The following HEATR5B variants were observed in gnomAD, a reference collection of about 807,000 sequenced individuals.
The protein encoded by HEATR5B is HEAT repeat containing 5B.
Under a neutral mutation model 224.1 loss-of-function variants are expected in HEATR5B, and 156 were observed. That is an observed-to-expected ratio of 0.70 (90% CI 0.61 to 0.80). The LOEUF (loss-of-function observed/expected upper bound fraction) is 0.80. Among genes scored for constraint, HEATR5B ranks in the 30% least tolerant of loss-of-function variants. The probability of loss-of-function intolerance (pLI) is 0.00; values close to 1 mark genes in which losing one functional copy is unlikely to be tolerated. For synonymous variants in HEATR5B, 1,027 were observed against 893.0 expected (o/e 1.15, Z -2.68); for missense variants, 2,323 against 2,535.5 (o/e 0.92, Z 1.80).
At chr2:37,019,459 TC>T in intron 26 of HEATR5B, among the ~76,000 whole-genome samples, 1 of 150,550 alleles carries the variant, frequency 6.6e-6, no homozygotes, top group Non-Finnish European at 1.5e-5. Flanking sequence ...TTCCTCTCTC[TC>T]TTTTTTTTTT....
chr2:36,991,192 T>C (rs1343669524), intron 33 of HEATR5B, among the ~76,000 whole-genome samples: 2 of 152,298 alleles, frequency 1.3e-5, no homozygotes, highest in Middle Eastern at 3.4e-3. Context: ...ATATCTCCTT[T>C]CAATTTAGTA....
At chr2:37,083,101 G>A (rs986715079) in intron 2 of HEATR5B, among the ~76,000 whole-genome samples, 188 bp downstream of exon 2, 1 of 152,172 alleles carries the variant, frequency 6.6e-6, no homozygotes, top group Non-Finnish European at 1.5e-5. Flanking sequence ...CAAACATAAA[G>A]AAGATAGGCA....
Position 37,000,756 on chromosome 2 carries a change from G to C in HEATR5B, c.5375C>G (p.Thr1792Arg). Residue 1792 changes from threonine (T) to arginine (R), a missense_variant, in exon 33 of 36, where the codon ACA becomes AGA. Physicochemically the swap from Thr to Arg is moderately conservative, Grantham distance 71. Transcript: ENST00000233099. ...CTGATTATCTGCAGACTTTATTGCT[G>C]TGTCTTTCAATATTCTTGCAATTAA... ...LFLIARILKD[T>R]AIKSADNQVP... 1 of 1,614,140 alleles carries C rather than the reference G, an allele frequency of 6.2e-7. No individual in the cohort carries two copies. Among genetic ancestry groups the C allele is most frequent in the South Asian group, 1.1e-5 (1 of 91,078 alleles).
At chr2:37,065,133 T>A (rs575105657) in intron 9 of HEATR5B, 143 bp from the exon 10 acceptor site, 1 of 671,310 alleles carries the variant, frequency 1.5e-6, no homozygotes, top group East Asian at 2.7e-5. Context: ...TAAAACTACA[T>A]ACAGTAGAGT....
intron 24 of HEATR5B, among the ~76,000 whole-genome samples, chr2:37,021,581 T>C (rs1668461011): frequency 6.6e-6 from 1 of 152,090 alleles, no homozygotes; most frequent in Non-Finnish European, 1.5e-5. Context: ...CCTTTTCACA[T>C]GTAAAATGTA....
In HEATR5B at chr2:37,007,230, G is replaced by A. The variant is rs760509355; in HGVS notation, c.4597C>T (p.His1533Tyr). The A allele has an allele frequency of 6.2e-7, 1 of 1,613,872 alleles. No individual in the cohort carries two copies. Among genetic ancestry groups the A allele is most frequent in the Non-Finnish European group, 8.5e-7 (1 of 1,180,012 alleles). Residue 1533 changes from histidine to tyrosine, a missense_variant, in exon 29 of 36, where the codon CAT becomes TAT. Around this residue, in one of 12 missense-constraint regions of HEATR5B, gnomAD observed 844 missense variants for 812.9 expected, o/e 1.04. Transcript: ENST00000233099. The stretch of plus-strand genomic sequence containing the variant: ...CTATTTAACCAAAGTGCCACCGCAT[G>A]GAGAATTGGGGCCCAGGAATTCCGA... ...HYRNSWAPIL[H>Y]AVALWLNSTG...
chr2:37,075,500 T>G lies in HEATR5B; in HGVS notation c.582A>C (p.Arg194=). The change falls in exon 5 of 36, where the codon CGA becomes CGC. Residue 194 remains arginine, a synonymous_variant. Coordinates refer to ENST00000233099, the MANE Select transcript of HEATR5B (RefSeq NM_019024.3). The part of the protein sequence containing the change: ...SLLTDRSMAV[R]CAVAKCLLEL... Reference sequence around the variant, plus strand: ...GAGTACTAACCTTGGCCACTGCACATCGAACAGCCATTGACCTATCAGTCA... The same window carrying G: ...GAGTACTAACCTTGGCCACTGCACAGCGAACAGCCATTGACCTATCAGTCA... 1 of 1,613,100 alleles carries G rather than the reference T, an allele frequency of 6.2e-7. No individual in the cohort carries two copies. The highest frequency in any genetic ancestry group is 8.5e-7 in the Non-Finnish European group (1 of 1,179,482).
chr2:37,014,336 G>T (rs1016201758), intron 26 of HEATR5B, among the ~76,000 whole-genome samples: 17 of 151,550 alleles, frequency 1.1e-4, no homozygotes, highest in African/African-American at 3.9e-4. Flanking sequence ...TAATTTTTTT[G>T]TATTTTTAGT....
intron 16 of HEATR5B, among the ~76,000 whole-genome samples, 165 bp downstream of exon 16, chr2:37,056,275 T>A (rs17038863): frequency 0.011 from 1,661 of 152,290 alleles, 25 homozygotes; most frequent in African/African-American, 0.038. Flanking sequence ...TGCATGCAAT[T>A]TTTTTATCAT....
chr2:37,057,389 G>T lies in HEATR5B; in HGVS notation c.2151C>A (p.Leu717=). 6.2e-7 allele frequency: 1 copy of T among 1,612,704 alleles called. No individual in the cohort carries two copies. Among genetic ancestry groups the T allele is most frequent in the East Asian group, 2.2e-5 (1 of 44,776 alleles). The change falls in exon 15 of 36, where the codon CTC becomes CTA. Residue 717 remains leucine (L), a synonymous_variant. Transcript: ENST00000233099. ...ANTTTSLLRS[L]CHYDDSVLLG... is the part of the protein sequence containing the mutation. ...GAAGAACACTATCATCATAATGGCA[G>T]AGGGATCTGAGGAGGGAAGTAGTTG...
At chr2:36,998,014 G>A (rs955025985) in intron 33 of HEATR5B, among the ~76,000 whole-genome samples, 1 of 152,158 alleles carries the variant, frequency 6.6e-6, no homozygotes, top group African/African-American at 2.4e-5. Flanking sequence ...GCTAACCAAT[G>A]TGCTTTTATC....
chr2:37,069,729 T>C (rs1671792089), intron 7 of HEATR5B, among the ~76,000 whole-genome samples: 1 of 152,110 alleles, frequency 6.6e-6, no homozygotes, highest in Non-Finnish European at 1.5e-5. Context: ...TTATATATTA[T>C]TAAATATCTA....
intron 4 of HEATR5B, among the ~76,000 whole-genome samples, chr2:37,076,575 T>C (rs944842322): frequency 4.6e-5 from 7 of 152,072 alleles, no homozygotes; most frequent in African/African-American, 1.4e-4. Context: ...TAAATTGTTG[T>C]TGTTTTAAGC....
chr2:37,053,812 A>G (rs1052267557), intron 16 of HEATR5B, among the ~76,000 whole-genome samples: 2 of 152,090 alleles, frequency 1.3e-5, no homozygotes, highest in Admixed American at 6.6e-5. Context: ...TGGAACAAGA[A>G]AAGAGTTTCA....
At chr2:37,014,898 G>A (rs62133104) in intron 26 of HEATR5B, among the ~76,000 whole-genome samples, 27,778 of 151,660 alleles carry the variant, frequency 0.18, 3,184 homozygotes, top group East Asian at 0.52. Context: ...CAGGAGAATC[G>A]CTAGGGAGCC....
intron 6 of HEATR5B, among the ~76,000 whole-genome samples, chr2:37,071,679 CT>C (rs869279842): frequency 5.3e-3 from 734 of 138,312 alleles, no homozygotes; most frequent in Non-Finnish European, 5.4e-3. Context: ...CATTTGGGTT[CT>C]TTTTTTTTTT....
rs775864579 is a variant in HEATR5B, at chr2:37,072,140, C to T, written c.739G>A (p.Ala247Thr). ...AVSKLLGTVM[A>T]TALMPKQATV... ...GCCTGTTTTGGCATTAATGCTGTGG[C>T]CATGACTGTTCCTAAAAGTTTAGAC... The change falls in exon 6 of 36, where the codon GCC (alanine) becomes ACC (threonine). Residue 247 changes from alanine to threonine, a missense_variant. By Grantham distance (58) the Ala-to-Thr change is moderately conservative. Around this residue, in one of 12 missense-constraint regions of HEATR5B, gnomAD observed 292 missense variants for 332.6 expected, o/e 0.88. Transcript: ENST00000233099. The T allele has an allele frequency of 1.2e-6, 2 of 1,613,990 alleles. No individual in the cohort carries two copies. Among genetic ancestry groups the T allele is most frequent in the East Asian group, 2.2e-5 (1 of 44,876 alleles).
rs1377279329 is a variant in HEATR5B at position 36,981,163 on chromosome 2, C to T, written c.*327G>A. ...GTTCTGACCCATTTTTTTCCCCTGA[C>T]AGTATCAATAGGCTGCCCGACTACA... On this transcript the variant is annotated 3_prime_UTR_variant, in exon 36 of 36. Coordinates refer to ENST00000233099, the MANE Select transcript of HEATR5B (RefSeq NM_019024.3). 1.6e-5 allele frequency: 3 copies of T among 190,072 alleles called. No individual in the cohort carries two copies. The highest frequency in any genetic ancestry group is 2.1e-5 in the Non-Finnish European group (2 of 94,146). The allele number at this position is 190,072 out of a possible 1,614,324, so 11.8% of individuals were successfully genotyped here.
intron 22 of HEATR5B, 48 bp from the exon 23 acceptor site, chr2:37,028,968 G>A (rs754287320): frequency 6.4e-6 from 10 of 1,571,920 alleles, no homozygotes; most frequent in Admixed American, 3.6e-5. Context: ...TTTGGTGTAC[G>A]CTATAGGTAA....
Sources: allele counts gnomAD v4.1 joint callset (sites outside exome capture counted in the v4.1 genomes callset), GRCh38; gene constraint gnomAD v4.1.1; regional missense constraint gnomAD v4.1.1; transcripts MANE v1.5; gene names NCBI Gene and HGNC (gene_info 2026-07-23, HGNC 2026-07-21).